LAMB4: variants seen among roughly 807,000 people sequenced by gnomAD.
LAMB4 encodes the protein laminin subunit beta 4, also known as laminin subunit beta-4.
LAMB4 carries 196 observed loss-of-function variants against 199.2 expected under a neutral mutation model. The ratio of observed to expected loss-of-function variants is 0.98; its 90% CI spans 0.88 to 1.11. The LOEUF (loss-of-function observed/expected upper bound fraction) is 1.11, where lower values mean the gene tolerates loss of function less well. LAMB4 is among the 50% of genes least tolerant of loss of function. The pLI, the probability that LAMB4 is intolerant of heterozygous loss-of-function variation, is 0.00. For synonymous variants in LAMB4, 744 were observed against 770.6 expected, an observed-to-expected ratio of 0.97 and a Z score of 0.57; for missense variants, 2,080 against 2,171.2, an observed-to-expected ratio of 0.96 and a Z score of 0.83.
chr7:108,118,509 A>G (rs1177630939), intron 2 of LAMB4, among the ~76,000 whole-genome samples: 1 of 152,138 alleles, frequency 6.6e-6, no homozygotes, highest in African/African-American at 2.4e-5. Flanking sequence ...TGAGGTGCAA[A>G]TGCAACTCAA....
In LAMB4 at chr7:108,078,219, G is replaced by A. The variant is rs192696808; in HGVS notation, c.1985C>T (p.Ala662Val). ...KTLQSKPQSFALPAATRIMLL... is the reference protein window; with the variant it reads ...KTLQSKPQSFVLPAATRIMLL... ...AACATACCTCGTAGCCGCTGGTAAG[G>A]CAAAAGACTGAGGCTTTGACTGTAG... Residue 662 changes from alanine (A) to valine (V), a missense_variant, in exon 16 of 34, where the codon GCC (alanine) becomes GTC (valine). Coordinates refer to ENST00000388781, the MANE Select transcript of LAMB4 (RefSeq NM_007356.3). 2.4e-4 allele frequency: 388 copies of A among 1,608,310 alleles called. 2 individuals carry two copies. In the East Asian group the frequency reaches 8.6e-3, roughly 35 times the overall value.
intron 33 of LAMB4, 74 bp from the exon 34 acceptor site, chr7:108,024,252 A>T: frequency 1.3e-6 from 1 of 799,948 alleles, no homozygotes; most frequent in South Asian, 2.6e-5. Flanking sequence ...ATTATACCAA[A>T]CACAGGGATT....
chr7:108,077,088 A>G, intron 16 of LAMB4, 24 bp from the exon 17 acceptor site: 1 of 1,610,366 alleles, frequency 6.2e-7, no homozygotes, highest in East Asian at 2.2e-5. Flanking sequence ...GATAAAGCAA[A>G]AATTCAGACC....
chr7:108,035,367 C>T (rs2035185131), intron 30 of LAMB4, among the ~76,000 whole-genome samples: 1 of 151,714 alleles, frequency 6.6e-6, no homozygotes, highest in Admixed American at 6.6e-5. Flanking sequence ...ATAGTGAAAC[C>T]CCATCTCTAC....
intron 15 of LAMB4, 79 bp downstream of exon 15, chr7:108,079,522 A>G: frequency 8.3e-7 from 1 of 1,205,534 alleles, no homozygotes; most frequent in East Asian, 2.4e-5. Context: ...AACCTATTCT[A>G]GCAAGGCTGA....
At chr7:108,050,153 T>G (rs2035781985) in intron 26 of LAMB4, among the ~76,000 whole-genome samples, 1 of 152,168 alleles carries the variant, frequency 6.6e-6, no homozygotes, top group Non-Finnish European at 1.5e-5. Flanking sequence ...GAAGCAGTAT[T>G]TACAAAGACA....
intron 14 of LAMB4, 105 bp downstream of exon 14, chr7:108,091,521 G>T: frequency 1.5e-6 from 2 of 1,298,372 alleles, no homozygotes; most frequent in Non-Finnish European, 2.1e-6. Flanking sequence ...TTGGGCAAAA[G>T]CATTCTTTTC....
At chr7:108,115,199 T>A (rs2038363455) in intron 3 of LAMB4, among the ~76,000 whole-genome samples, 1 of 152,220 alleles carries the variant, frequency 6.6e-6, no homozygotes, top group African/African-American at 2.4e-5. Context: ...AAGACTTTTA[T>A]GTCTCATTCT....
chr7:108,101,127 C>T (rs1024544891), intron 10 of LAMB4, among the ~76,000 whole-genome samples: 1 of 152,134 alleles, frequency 6.6e-6, no homozygotes, highest in Admixed American at 6.5e-5. Flanking sequence ...CCCACTTTAG[C>T]ATTATATGGA....
chr7:108,029,343 CAG>C, intron 32 of LAMB4, 147 bp from the exon 33 acceptor site: 1 of 520,296 alleles, frequency 1.9e-6, no homozygotes, highest in Non-Finnish European at 3.1e-6. Flanking sequence ...ATATTTCCGG[CAG>C]AGTTTTATTT....
rs34425857 is a variant in LAMB4, at chr7:108,035,604, C to CAA, written c.4680-1260_4680-1259dup. 1.1e-3 allele frequency among the ~76,000 whole-genome samples: 87 copies of CAA among 79,916 alleles called. 1 individual carries two copies. The highest frequency in any genetic ancestry group is 3.8e-3 in the African/African-American group (82 of 21,596). The allele number at this position is 79,916 out of a possible 152,430, so 52.4% of individuals were successfully genotyped here. A position where few individuals can be genotyped will look rare whatever the true frequency, so the allele number is the denominator to read the frequency against. On this transcript the variant is annotated intron_variant, in intron 30 of 33. Coordinates refer to ENST00000388781, the MANE Select transcript of LAMB4 (RefSeq NM_007356.3). ...TTATTATAGCAAATTTAGAGAGTAC[C>CAA]AAAAAAAAAAAAAAAAAAGAAAAAA...
chr7:108,055,755 G>T lies in LAMB4; in HGVS notation c.3632C>A (p.Pro1211His). 4 of 1,614,204 alleles carry T rather than the reference G, an allele frequency of 2.5e-6. No individual in the cohort carries two copies. The highest frequency in any genetic ancestry group is 3.4e-6 in the Non-Finnish European group (4 of 1,180,018). The change falls in exon 25 of 34, where the codon CCT becomes CAT. Residue 1211 changes from proline (P) to histidine (H), a missense_variant. Coordinates refer to ENST00000388781, the MANE Select transcript of LAMB4 (RefSeq NM_007356.3). ...GTCTTTGAAGTCTGCCTCACAGACAGGCAGGGTCTCTCTTTTATCTTCCAT... is the reference window on the plus strand; with the variant it reads ...GTCTTTGAAGTCTGCCTCACAGACATGCAGGGTCTCTCTTTTATCTTCCAT... ...ANMEDKRETLPVCEADFKDLR... is the reference protein window; with the variant it reads ...ANMEDKRETLHVCEADFKDLR...
At chr7:108,128,379 G>A (rs1446477849) in intron 1 of LAMB4, among the ~76,000 whole-genome samples, 1 of 151,990 alleles carries the variant, frequency 6.6e-6, no homozygotes, top group Non-Finnish European at 1.5e-5. Context: ...TAGAGGCCAG[G>A]GGTGCTGCTA....
chr7:108,098,786 T>C (rs758946864), intron 10 of LAMB4, among the ~76,000 whole-genome samples: 51 of 152,218 alleles, frequency 3.4e-4, no homozygotes, highest in Non-Finnish European at 6.6e-4. Context: ...TCCATGCATA[T>C]ATTTTTAAAA....
intron 12 of LAMB4, among the ~76,000 whole-genome samples, chr7:108,094,543 G>T (rs2037525324): frequency 6.7e-6 from 1 of 150,050 alleles, no homozygotes; most frequent in Non-Finnish European, 1.5e-5. Flanking sequence ...ACACATCGAG[G>T]TCACTGTTCT....
At chr7:108,039,130 G>A (rs1475974013) in intron 29 of LAMB4, among the ~76,000 whole-genome samples, 1 of 152,110 alleles carries the variant, frequency 6.6e-6, no homozygotes, top group Non-Finnish European at 1.5e-5. Context: ...GCTCAGGGTG[G>A]TACAAGAAAC....
intron 26 of LAMB4, among the ~76,000 whole-genome samples, chr7:108,050,643 C>A (rs2035797819): frequency 6.6e-6 from 1 of 152,138 alleles, no homozygotes. Flanking sequence ...AACCATAATC[C>A]AGGCAGGAGA....
At chr7:108,112,232 T>A (rs992407947) in intron 3 of LAMB4, among the ~76,000 whole-genome samples, 1 of 152,162 alleles carries the variant, frequency 6.6e-6, no homozygotes, top group Non-Finnish European at 1.5e-5. Flanking sequence ...TATTTTAAAC[T>A]GTACACAACT....
In LAMB4 at chr7:108,098,592, CAGA is replaced by C; in HGVS notation, c.1181-13_1181-11del. 2 of 1,581,418 alleles carry C rather than the reference CAGA, an allele frequency of 1.3e-6. No homozygotes were observed. Among genetic ancestry groups the C allele is most frequent in the Non-Finnish European group, 1.7e-6 (2 of 1,166,702 alleles). On this transcript the variant is annotated splice_polypyrimidine_tract_variant and intron_variant, in intron 10 of 33. Coordinates refer to ENST00000388781, the MANE Select transcript of LAMB4 (RefSeq NM_007356.3). ...GGGTCACATTCACAAGCTGGGGACA[CAGA>C]CATTCATTGTTTTAGTTAATTGCAA...
Sources: allele counts gnomAD v4.1 joint callset (sites outside exome capture counted in the v4.1 genomes callset), GRCh38; gene constraint gnomAD v4.1.1; transcripts MANE v1.5; gene names NCBI Gene and HGNC (gene_info 2026-07-23, HGNC 2026-07-21).